SLC38A12: variants seen among roughly 807,000 people sequenced by gnomAD.
SLC38A12 encodes putative sodium-coupled neutral amino acid transporter 12.
chr17:74,777,493 G>A, the SLC38A12 span: 20 of 1,562,908 alleles, frequency 1.3e-5, no homozygotes, highest in Non-Finnish European at 1.7e-5. Flanking sequence ...CATAGTGGAA[G>A]CAGGATGGGG....
At chr17:74,825,977 G>C in the SLC38A12 span, among the ~76,000 whole-genome samples, 3 of 152,104 alleles carry the variant, frequency 2.0e-5, no homozygotes, top group Non-Finnish European at 4.4e-5. Context: ...TCTCCTTCCC[G>C]TCTCTCTCTG....
the SLC38A12 span, among the ~76,000 whole-genome samples, chr17:74,791,739 G>A: frequency 6.6e-6 from 1 of 152,240 alleles, no homozygotes; most frequent in African/African-American, 2.4e-5. Context: ...TCCTTCCTGG[G>A]ATCTGGCTGC....
the SLC38A12 span, among the ~76,000 whole-genome samples, chr17:74,784,038 T>TAA: frequency 0.019 from 2,718 of 145,872 alleles, 72 homozygotes; most frequent in African/African-American, 0.062. Context: ...CTTCATGCTT[T>TAA]AAAAAAAAAA....
the SLC38A12 span, among the ~76,000 whole-genome samples, chr17:74,833,255 T>C: frequency 6.6e-6 from 1 of 152,254 alleles, no homozygotes; most frequent in Non-Finnish European, 1.5e-5. Flanking sequence ...CCTCAGGTGA[T>C]CTGCCTGCCT....
chr17:74,817,574 C>G, the SLC38A12 span, among the ~76,000 whole-genome samples: 1 of 152,194 alleles, frequency 6.6e-6, no homozygotes, highest in Non-Finnish European at 1.5e-5. Flanking sequence ...AGAGGTACAT[C>G]TGATTAAATA....
the SLC38A12 span, among the ~76,000 whole-genome samples, chr17:74,825,584 G>A: frequency 5.9e-5 from 9 of 152,212 alleles, no homozygotes; most frequent in Non-Finnish European, 1.0e-4. Context: ...CCTTGCAGCC[G>A]TACCTCTCCT....
the SLC38A12 span, among the ~76,000 whole-genome samples, chr17:74,826,749 A>G: frequency 2.0e-5 from 3 of 152,204 alleles, no homozygotes; most frequent in Non-Finnish European, 4.4e-5. Context: ...GGGCCAGCTC[A>G]GGCTCCAAAG....
At chr17:74,787,024 CTTAA>C in the SLC38A12 span, among the ~76,000 whole-genome samples, 6 of 152,118 alleles carry the variant, frequency 3.9e-5, no homozygotes, top group African/African-American at 1.2e-4. Flanking sequence ...CTCTTTATGC[CTTAA>C]TTAAGATTGA....
the SLC38A12 span, among the ~76,000 whole-genome samples, chr17:74,804,943 C>T: frequency 2.0e-5 from 3 of 152,316 alleles, no homozygotes; most frequent in East Asian, 3.9e-4. Flanking sequence ...AAGTGTTTCT[C>T]AAGATCTGGT....
the SLC38A12 span, among the ~76,000 whole-genome samples, chr17:74,812,436 A>G: frequency 6.6e-6 from 1 of 152,180 alleles, no homozygotes; most frequent in Non-Finnish European, 1.5e-5. Context: ...AGAAATAAAA[A>G]TAGAATCCTT....
At chr17:74,794,562 A>G in the SLC38A12 span, among the ~76,000 whole-genome samples, 2 of 152,098 alleles carry the variant, frequency 1.3e-5, no homozygotes, top group Non-Finnish European at 2.9e-5. Flanking sequence ...TTTTCCATCA[A>G]CTTCTCTTTG....
chr17:74,814,990 A>T, the SLC38A12 span, among the ~76,000 whole-genome samples: 1 of 152,140 alleles, frequency 6.6e-6, no homozygotes, highest in Non-Finnish European at 1.5e-5. Flanking sequence ...TTGGCACTTG[A>T]GCAGGGCTCA....
the SLC38A12 span, chr17:74,795,379 A>T: frequency 8.5e-6 from 6 of 708,706 alleles, no homozygotes; most frequent in Non-Finnish European, 1.4e-5. Flanking sequence ...AGGAGGGTGC[A>T]TCCTCAGAGA....
At chr17:74,785,711 T>C in the SLC38A12 span, 1 of 1,426,158 alleles carries the variant, frequency 7.0e-7, no homozygotes, top group Non-Finnish European at 9.4e-7. Context: ...GACACCTGTC[T>C]ACCCCGTATC....
chr17:74,814,810 A>G, the SLC38A12 span, among the ~76,000 whole-genome samples: 1 of 152,174 alleles, frequency 6.6e-6, no homozygotes, highest in Non-Finnish European at 1.5e-5. Flanking sequence ...GCGACAAACA[A>G]GGATGCAGTC....
the SLC38A12 span, among the ~76,000 whole-genome samples, chr17:74,798,626 G>T: frequency 6.6e-6 from 1 of 152,346 alleles, no homozygotes; most frequent in African/African-American, 2.4e-5. Flanking sequence ...GGGCTCTCTG[G>T]GGTGTCCCAG....
At chr17:74,835,792 C>G in the SLC38A12 span, 1 of 1,468,836 alleles carries the variant, frequency 6.8e-7, no homozygotes, top group Non-Finnish European at 9.0e-7. Flanking sequence ...CACCCAAGAA[C>G]AGGGCTGCAT....
chr17:74,791,425 A>G, the SLC38A12 span, among the ~76,000 whole-genome samples: 1 of 152,296 alleles, frequency 6.6e-6, no homozygotes, highest in African/African-American at 2.4e-5. Context: ...AGTGAGGGTC[A>G]GGAACCCCAG....
the SLC38A12 span, among the ~76,000 whole-genome samples, chr17:74,807,510 G>C: frequency 3.9e-5 from 6 of 152,244 alleles, no homozygotes; most frequent in African/African-American, 1.4e-4. Context: ...ACAGCTAGTG[G>C]CTGCTGCTTC....
Sources: allele counts gnomAD v4.1 joint callset (sites outside exome capture counted in the v4.1 genomes callset), GRCh38; gene constraint gnomAD v4.1.1; transcripts MANE v1.5; gene names NCBI Gene and HGNC (gene_info 2026-07-23, HGNC 2026-07-21).